Variants in UTY observed in about 807,000 individuals in gnomAD.
UTY encodes the protein histone demethylase UTY.
A neutral mutation model predicts 32.5 loss-of-function variants in UTY; 12 were observed. The observed-to-expected ratio is 0.37, with a 90% CI of 0.24 to 0.60. The LOEUF (loss-of-function observed/expected upper bound fraction) is 0.60. UTY is among the 20% of genes least tolerant of loss of function. UTY has a pLI of 0.69. For missense variants in UTY, 303 were observed against 299.2 expected, an observed-to-expected ratio of 1.01 and a Z score of -0.09; for synonymous variants, 131 against 103.4, an observed-to-expected ratio of 1.27 and a Z score of -1.62.
intron 4 of UTY, among the ~76,000 whole-genome samples, chrY:13,442,277 G>A (rs753628781): frequency 3.0e-5 from 1 of 33,028 alleles, no homozygotes; most frequent in Non-Finnish European, 7.5e-5. Flanking sequence ...CTGCCAAACT[G>A]AGAAAGTTAG....
At chrY:13,363,148 C>T (rs577909896) in intron 10 of UTY, among the ~76,000 whole-genome samples, 1 of 32,378 alleles carries the variant, frequency 3.1e-5, no homozygotes, top group Admixed American at 2.8e-4. Context: ...ATGATCCACC[C>T]GCCTCGGCCT....
intron 17 of UTY, among the ~76,000 whole-genome samples, chrY:13,349,865 A>G: frequency 2.9e-5 from 1 of 34,040 alleles, no homozygotes; most frequent in Admixed American, 2.7e-4. Flanking sequence ...CATATGCACT[A>G]AAGGAATGAA....
intron 27 of UTY, among the ~76,000 whole-genome samples, chrY:13,260,701 G>GT (rs2055200285): frequency 6.0e-5 from 2 of 33,121 alleles, no homozygotes; most frequent in African/African-American, 2.3e-4. Context: ...AATAACTTTT[G>GT]TAAGAGTCAA....
chrY:13,330,603 G>A, intron 18 of UTY, among the ~76,000 whole-genome samples: 2 of 33,680 alleles, frequency 5.9e-5, no homozygotes, highest in African/African-American at 1.2e-4. Flanking sequence ...GGGCAGACAC[G>A]GAGCTAGTTG....
In UTY at chrY:13,479,548, C is replaced by T; in HGVS notation, c.118G>A (p.Val40Ile). Residue 40 changes from valine to isoleucine, a missense_variant, in exon 1 of 30, where the codon GTC (valine) becomes ATC (isoleucine). Transcript: ENST00000545955. ...CCACCAAGCGCCTCCCTTTCCTCGA[C>T]TGTCAGGCTAACAGACTCCTCTTCA... The part of the protein sequence containing the change: ...ESEEESVSLT[V>I]EEREALGGMD... 1 of 398,957 alleles carries T rather than the reference C, an allele frequency of 2.5e-6. No individual in the cohort carries two copies. Among genetic ancestry groups the T allele is most frequent in the Non-Finnish European group, 3.5e-6 (1 of 283,668 alleles).
At chrY:13,358,992 C>A (rs2063250284) in intron 13 of UTY, 96 bp downstream of exon 13, 1 of 310,479 alleles carries the variant, frequency 3.2e-6, no homozygotes, top group African/African-American at 7.5e-5. Flanking sequence ...ATTTTAAAGT[C>A]AATCCTTTGT....
intron 28 of UTY, among the ~76,000 whole-genome samples, chrY:13,257,530 GT>G: frequency 3.0e-5 from 1 of 33,808 alleles, no homozygotes; most frequent in South Asian, 6.7e-4. Context: ...AAGGCCAGAT[GT>G]TATCAGCAGC....
intron 4 of UTY, among the ~76,000 whole-genome samples, chrY:13,436,895 G>A: frequency 6.5e-5 from 2 of 30,943 alleles, no homozygotes; most frequent in African/African-American, 2.6e-4. Flanking sequence ...CTAGTCGCCC[G>A]AACTGGTCCA....
rs746809747 is a variant in UTY at position 13,359,905 on chromosome Y, G to A, written c.1047C>T (p.Ala349=). Residue 349 remains alanine, a synonymous_variant, in exon 12 of 30, where the codon GCC becomes GCT. Coordinates refer to ENST00000545955, the MANE Select transcript of UTY (RefSeq NM_001258249.2). Reference sequence around the variant, plus strand: ...GAGTACCTAGGTCCATCCAGGCTGCGGCATGCCCATGGTCCAATTGTACAG... The same window carrying A: ...GAGTACCTAGGTCCATCCAGGCTGCAGCATGCCCATGGTCCAATTGTACAG... ...ICAVQLDHGH[A]AAWMDLGTLY... The A allele has an allele frequency of 1.0e-5, 4 of 395,947 alleles. No homozygotes were observed. The highest frequency in any genetic ancestry group is 9.3e-5 in the East Asian group (1 of 10,761).
chrY:13,352,307 G>T (rs2062459790), intron 17 of UTY, among the ~76,000 whole-genome samples: 1 of 32,986 alleles, frequency 3.0e-5, no homozygotes, highest in African/African-American at 1.2e-4. Flanking sequence ...GTTCTACTAG[G>T]GATTTTTTTT....
chrY:13,410,086 C>T, intron 6 of UTY, among the ~76,000 whole-genome samples: 2 of 33,582 alleles, frequency 6.0e-5, no homozygotes, highest in Admixed American at 2.7e-4. Context: ...AATCACTGAA[C>T]TTGAGGGAGG....
At chrY:13,307,941 G>A (rs2058791402) in intron 21 of UTY, among the ~76,000 whole-genome samples, 1 of 32,634 alleles carries the variant, frequency 3.1e-5, no homozygotes, top group Non-Finnish European at 7.5e-5. Context: ...GGAGAAATGG[G>A]AAACTTATAA....
intron 2 of UTY, among the ~76,000 whole-genome samples, chrY:13,470,588 G>A (rs2078398633): frequency 3.1e-5 from 1 of 32,711 alleles, no homozygotes; most frequent in African/African-American, 1.2e-4. Context: ...TAGAGGATCT[G>A]AAGTGACCTT....
At chrY:13,473,796 TATA>T (rs2078763246) in intron 2 of UTY, among the ~76,000 whole-genome samples, 1 of 33,641 alleles carries the variant, frequency 3.0e-5, no homozygotes, top group African/African-American at 1.2e-4. Context: ...TATAGTAACC[TATA>T]ATATTATAAT....
intron 18 of UTY, 90 bp downstream of exon 18, chrY:13,335,473 C>T: frequency 3.4e-6 from 1 of 291,541 alleles, no homozygotes; most frequent in Non-Finnish European, 5.2e-6. Context: ...GAGCATGTTA[C>T]ATTTCTTAAC....
In UTY at chrY:13,335,972, T is replaced by C. The variant is rs1274813754; in HGVS notation, c.2425A>G (p.Asn809Asp). 7.5e-6 allele frequency: 3 copies of C among 399,276 alleles called. No individual in the cohort carries two copies. The highest frequency in any genetic ancestry group is 1.1e-5 in the Non-Finnish European group (3 of 283,757). ...AATAAATTTGGTGAATCTCCATGGT[T>C]AGGACTGGAAACAGCATCTGCTATC... is the stretch of plus-strand genomic sequence containing the variant. Reference protein sequence around the residue: ...QLIADAVSSPNHGDSPNLLIA... With the variant: ...QLIADAVSSPDHGDSPNLLIA... The change falls in exon 18 of 30, where the codon AAC (asparagine) becomes GAC (aspartate). Residue 809 changes from asparagine to aspartate, a missense_variant. Asn to Asp is a conservative substitution (Grantham distance 23). Transcript: ENST00000545955.
At chrY:13,256,024 T>C in intron 28 of UTY, among the ~76,000 whole-genome samples, 1 of 33,534 alleles carries the variant, frequency 3.0e-5, no homozygotes, top group African/African-American at 1.2e-4. Context: ...GCTTAATTAA[T>C]AGCTCCTGAC....
intron 26 of UTY, 112 bp from the exon 27 acceptor site, chrY:13,297,960 T>C: frequency 5.6e-6 from 1 of 178,726 alleles, no homozygotes; most frequent in Non-Finnish European, 1.0e-5. Flanking sequence ...TCTGAAAACC[T>C]TGAAACACCG....
chrY:13,386,627 G>C, intron 8 of UTY, among the ~76,000 whole-genome samples: 1 of 32,106 alleles, frequency 3.1e-5, no homozygotes. Context: ...ACTAATTCTA[G>C]TTTAGAATTA....
Sources: gnomAD v4.1 joint callset for allele counts (sites outside exome capture counted in the v4.1 genomes callset) on GRCh38, gnomAD v4.1.1 for gene constraint, MANE v1.5 for transcripts, NCBI Gene and HGNC (gene_info 2026-07-23, HGNC 2026-07-21) for gene names.